NFE2L3: variants seen among roughly 807,000 people sequenced by gnomAD.
NFE2L3 encodes the protein NFE2 like bZIP transcription factor 3.
Under a neutral mutation model 23.5 loss-of-function variants are expected in NFE2L3, and 18 were observed. The observed-to-expected ratio is 0.77, with a 90% CI of 0.53 to 1.13. NFE2L3 has a LOEUF of 1.13. Ranked by LOEUF, NFE2L3 falls within the 50% of genes most tolerant of loss-of-function variation. The pLI, the probability that NFE2L3 is intolerant of heterozygous loss-of-function variation, is 0.00. For missense variants in NFE2L3, 1,152 were observed against 877.2 expected, an observed-to-expected ratio of 1.31 and a Z score of -3.96; for synonymous variants, 424 against 354.5, an observed-to-expected ratio of 1.20 and a Z score of -2.20.
chr7:26,173,371 T>A (rs1317818158), intron 1 of NFE2L3, among the ~76,000 whole-genome samples: 4 of 152,210 alleles, frequency 2.6e-5, no homozygotes, highest in Non-Finnish European at 5.9e-5. Context: ...ATAGGTGACA[T>A]TCTTGTGTTT....
chr7:26,184,453 G>A (rs1782427578), intron 3 of NFE2L3, 80 bp from the exon 4 acceptor site: 1 of 1,304,674 alleles, frequency 7.7e-7, no homozygotes, highest in South Asian at 1.4e-5. Flanking sequence ...ACAAAAGAGG[G>A]GAAAGAAAGT....
chr7:26,168,716 C>T (rs576201773), intron 1 of NFE2L3, among the ~76,000 whole-genome samples: 14 of 152,122 alleles, frequency 9.2e-5, no homozygotes, highest in African/African-American at 3.1e-4. Flanking sequence ...ATAATGACTT[C>T]ATTTCCTCTG....
chr7:26,156,174 G>T (rs1170677332), intron 1 of NFE2L3, among the ~76,000 whole-genome samples: 1 of 152,150 alleles, frequency 6.6e-6, no homozygotes, highest in Non-Finnish European at 1.5e-5. Context: ...TGCACAATGG[G>T]AATCAGAAGG....
chr7:26,172,561 C>T (rs1784341916), intron 1 of NFE2L3, among the ~76,000 whole-genome samples: 1 of 152,088 alleles, frequency 6.6e-6, no homozygotes, highest in African/African-American at 2.4e-5. Flanking sequence ...ATGTATTTGC[C>T]GAGTCTCTTT....
At chr7:26,183,192 G>A (rs1355800533) in intron 2 of NFE2L3, among the ~76,000 whole-genome samples, 1 of 152,148 alleles carries the variant, frequency 6.6e-6, no homozygotes, top group Non-Finnish European at 1.5e-5. Context: ...TTTATGGTAG[G>A]AATAGAAATA....
chr7:26,185,432 T>C lies in NFE2L3; in HGVS notation c.1734T>C (p.Leu578=). 1.9e-6 allele frequency: 3 copies of C among 1,614,152 alleles called. No homozygotes were observed. The highest frequency in any genetic ancestry group is 1.7e-6 in the Non-Finnish European group (2 of 1,179,974). ...RYYLTDLQVS[L]IRDIRRRGKN... is the part of the protein sequence containing the mutation. The stretch of plus-strand genomic sequence containing the variant: ...ATCTGACAGACCTACAAGTCTCACT[T>C]ATCCGTGACATCAGACGAAGAGGGA... Residue 578 remains leucine, a synonymous_variant, in exon 4 of 4, where the codon CTT becomes CTC. Coordinates refer to ENST00000056233, the MANE Select transcript of NFE2L3 (RefSeq NM_004289.7).
At chr7:26,162,502 A>G (rs1325158443) in intron 1 of NFE2L3, among the ~76,000 whole-genome samples, 1 of 152,148 alleles carries the variant, frequency 6.6e-6, no homozygotes, top group Non-Finnish European at 1.5e-5. Context: ...AATACAAAAA[A>G]CATCATGTAT....
intron 1 of NFE2L3, among the ~76,000 whole-genome samples, chr7:26,165,411 A>G (rs950684352): frequency 3.3e-5 from 5 of 152,192 alleles, no homozygotes; most frequent in South Asian, 2.1e-4. Context: ...CTTTGAAGCA[A>G]TTGTGAATGG....
chr7:26,164,802 A>C (rs965031260), intron 1 of NFE2L3, among the ~76,000 whole-genome samples: 2 of 152,198 alleles, frequency 1.3e-5, no homozygotes, highest in African/African-American at 4.8e-5. Context: ...TCTAACATTT[A>C]AGTCTTTAAT....
At chr7:26,173,325 A>G (rs971707125) in intron 1 of NFE2L3, among the ~76,000 whole-genome samples, 4 of 152,210 alleles carry the variant, frequency 2.6e-5, no homozygotes, top group African/African-American at 9.6e-5. Flanking sequence ...CTTGATCTGT[A>G]TCAACCACTT....
chr7:26,154,738 G>C (rs959048192), intron 1 of NFE2L3, among the ~76,000 whole-genome samples: 6 of 152,114 alleles, frequency 3.9e-5, no homozygotes, highest in African/African-American at 1.2e-4. Flanking sequence ...GACAGGTCTC[G>C]CTATGTTGCC....
Position 26,159,089 on chromosome 7 carries a change from C to T in NFE2L3, c.570+6021C>T, listed in dbSNP as rs540254761. 2.0e-5 allele frequency among the ~76,000 whole-genome samples: 3 copies of T among 152,268 alleles called. No homozygotes were observed. The South Asian group carries it at 6.2e-4, about 32-fold the overall frequency. The stretch of plus-strand genomic sequence containing the variant: ...TCGTCTCTCTGCGTTTTGTGGGATG[C>T]CTCCTCTAGCTCGCCATTGCCTACT... On this transcript the variant is annotated intron_variant, in intron 1 of 3. Coordinates refer to ENST00000056233, the MANE Select transcript of NFE2L3 (RefSeq NM_004289.7).
At chr7:26,155,717 A>T (rs1486460592) in intron 1 of NFE2L3, among the ~76,000 whole-genome samples, 1 of 152,178 alleles carries the variant, frequency 6.6e-6, no homozygotes, top group African/African-American at 2.4e-5. Flanking sequence ...GCAATTTGGA[A>T]CCATGACTTT....
At chr7:26,154,545 T>C (rs1044954123) in intron 1 of NFE2L3, among the ~76,000 whole-genome samples, 1 of 152,096 alleles carries the variant, frequency 6.6e-6, no homozygotes, top group African/African-American at 2.4e-5. Context: ...TTCCCTTGGC[T>C]GTTTTTTTGT....
At chr7:26,155,520 A>G (rs1180786024) in intron 1 of NFE2L3, among the ~76,000 whole-genome samples, 1 of 152,190 alleles carries the variant, frequency 6.6e-6, no homozygotes, top group Non-Finnish European at 1.5e-5. Flanking sequence ...TGTCAGTGCC[A>G]AAAGAGAGAC....
intron 1 of NFE2L3, among the ~76,000 whole-genome samples, chr7:26,170,681 A>ATCCCCTT (rs1298339926): frequency 6.6e-6 from 1 of 152,230 alleles, no homozygotes; most frequent in Non-Finnish European, 1.5e-5. Context: ...AAATATTCCA[A>ATCCCCTT]GTATCAGGAA....
At chr7:26,160,389 G>A (rs1784149738) in intron 1 of NFE2L3, among the ~76,000 whole-genome samples, 1 of 152,296 alleles carries the variant, frequency 6.6e-6, no homozygotes, top group Non-Finnish European at 1.5e-5. Flanking sequence ...GAGGCAAGAC[G>A]TGATCTTTTG....
At chr7:26,170,199 C>T (rs1223915672) in intron 1 of NFE2L3, among the ~76,000 whole-genome samples, 2 of 152,164 alleles carry the variant, frequency 1.3e-5, no homozygotes, top group African/African-American at 4.8e-5. Context: ...GTTTTCAAGA[C>T]TGATGTGACA....
chr7:26,183,991 T>C lies in NFE2L3; in HGVS notation c.834+207T>C, dbSNP rs910391711. 4 of 524,676 alleles carry C rather than the reference T, an allele frequency of 7.6e-6. No individual in the cohort carries two copies. In the South Asian group the frequency reaches 8.6e-5, roughly 11 times the overall value. The allele number at this position is 524,676 out of a possible 1,614,324, so 32.5% of individuals were successfully genotyped here. ...GGTATAATCAAATTTAGACTAGTCA[T>C]GGAAAACAGCGTGGAGATTTCTCAA... On this transcript the variant is annotated intron_variant, in intron 3 of 3. Coordinates refer to ENST00000056233, the MANE Select transcript of NFE2L3 (RefSeq NM_004289.7).
Sources: gnomAD v4.1 joint callset for allele counts (sites outside exome capture counted in the v4.1 genomes callset) on GRCh38, gnomAD v4.1.1 for gene constraint, MANE v1.5 for transcripts, NCBI Gene and HGNC (gene_info 2026-07-23, HGNC 2026-07-21) for gene names.